Variants in NAT1 observed in about 807,000 individuals in gnomAD.
NAT1 encodes N-acetyltransferase 1, also known as arylamine N-acetyltransferase 1.
For missense variants in NAT1, 400 were observed against 339.2 expected (o/e 1.18, Z -1.41); for synonymous variants, 144 against 122.6 (o/e 1.17, Z -1.16).
chr8:18,213,067 G>A (rs1385325702), intron 1 of NAT1, among the ~76,000 whole-genome samples: 3 of 52,322 alleles, frequency 5.7e-5, no homozygotes, highest in South Asian at 4.8e-4. Context: ...ACCACACCTC[G>A]CTTTTTTTTT....
chr8:18,182,929 T>C (rs1402422821), intron 2 of NAT1, among the ~76,000 whole-genome samples: 1 of 152,218 alleles, frequency 6.6e-6, no homozygotes, highest in Non-Finnish European at 1.5e-5. Flanking sequence ...ATAAAGATCT[T>C]ATGCACCTAT....
At chr8:18,181,570 C>G (rs985297727) in intron 2 of NAT1, among the ~76,000 whole-genome samples, 7 of 152,060 alleles carry the variant, frequency 4.6e-5, no homozygotes, top group Non-Finnish European at 1.0e-4. Context: ...TTTCTCTTGT[C>G]TGATTACTCT....
At chr8:18,182,435 C>A (rs1179849496) in intron 2 of NAT1, among the ~76,000 whole-genome samples, 1 of 152,108 alleles carries the variant, frequency 6.6e-6, no homozygotes, top group Non-Finnish European at 1.5e-5. Context: ...TTATTGGAAG[C>A]TTTATTGTTT....
At chr8:18,176,000 T>G (rs186148037) in intron 2 of NAT1, among the ~76,000 whole-genome samples, 1 of 152,172 alleles carries the variant, frequency 6.6e-6, no homozygotes, top group East Asian at 1.9e-4. Context: ...GCCATTCCTT[T>G]CTGTTATTTT....
chr8:18,207,731 G>A (rs28741080), upstream of NAT1, among the ~76,000 whole-genome samples: 70 of 152,298 alleles, frequency 4.6e-4, no homozygotes, highest in South Asian at 1.9e-3. Context: ...CCTAGAATCA[G>A]AAATACCATT....
At chr8:18,191,349 T>A (rs1802982102) in intron 2 of NAT1, among the ~76,000 whole-genome samples, 1 of 152,314 alleles carries the variant, frequency 6.6e-6, no homozygotes, top group Non-Finnish European at 1.5e-5. Flanking sequence ...ACCTCTGAAG[T>A]TTTTTATAAA....
At chr8:18,220,471 T>G (rs983811824) in intron 2 of NAT1, among the ~76,000 whole-genome samples, 1 of 152,178 alleles carries the variant, frequency 6.6e-6, no homozygotes, top group Non-Finnish European at 1.5e-5. Context: ...TGTACAGCAC[T>G]GTTACAATCA....
chr8:18,218,524 G>A (rs1037393997), intron 1 of NAT1, among the ~76,000 whole-genome samples: 18 of 152,182 alleles, frequency 1.2e-4, no homozygotes, highest in African/African-American at 4.3e-4. Context: ...ATTACTCTGA[G>A]GAATGGGCTT....
At chr8:18,178,759 G>A (rs1802389254) in intron 2 of NAT1, among the ~76,000 whole-genome samples, 1 of 152,154 alleles carries the variant, frequency 6.6e-6, no homozygotes, top group South Asian at 2.1e-4. Flanking sequence ...TTCCCTAACA[G>A]ATGAGTGAGT....
upstream of NAT1, among the ~76,000 whole-genome samples, chr8:18,205,536 C>T (rs1438774111): frequency 6.6e-6 from 1 of 152,160 alleles, no homozygotes; most frequent in African/African-American, 2.4e-5. Context: ...CCTGCCAAGT[C>T]TCCATCTGCA....
intron 1 of NAT1, among the ~76,000 whole-genome samples, chr8:18,214,002 A>G (rs1414245063): frequency 6.6e-6 from 1 of 151,916 alleles, no homozygotes; most frequent in East Asian, 1.9e-4. Context: ...TTTAGTAGAG[A>G]CAGGGTTTCA....
chr8:18,196,472 T>C (rs1254301944), intron 2 of NAT1, among the ~76,000 whole-genome samples: 1 of 152,148 alleles, frequency 6.6e-6, no homozygotes, highest in African/African-American at 2.4e-5. Context: ...TGAAAGTAGA[T>C]GATGACAGAC....
At chr8:18,203,169 C>T (rs989577951) in intron 2 of NAT1, among the ~76,000 whole-genome samples, 3 of 152,100 alleles carry the variant, frequency 2.0e-5, no homozygotes, top group Admixed American at 6.5e-5. Context: ...TATGTTTATA[C>T]GCTTGTATGT....
At chr8:18,185,210 A>G (rs1311251630) in intron 2 of NAT1, among the ~76,000 whole-genome samples, 2 of 152,052 alleles carry the variant, frequency 1.3e-5, no homozygotes, top group African/African-American at 4.8e-5. Context: ...TATTTTTTCT[A>G]TTCTCTTGAA....
intron 2 of NAT1, among the ~76,000 whole-genome samples, chr8:18,180,956 C>A (rs1802485730): frequency 6.6e-6 from 1 of 151,962 alleles, no homozygotes; most frequent in Admixed American, 6.6e-5. Context: ...TAGTTATATT[C>A]TTTTTGGTCT....
chr8:18,185,073 GGTTTCAGGAGTGCTTGTTTCA>G (rs1802679257), intron 2 of NAT1, among the ~76,000 whole-genome samples: 1 of 71,048 alleles, frequency 1.4e-5, no homozygotes, highest in African/African-American at 1.2e-4. Context: ...TGCTTGTTTC[GGTTTCAGGAGTGCTTGTTTCA>G]GTTTCAGGAG....
chr8:18,194,712 T>C (rs201075353), intron 2 of NAT1, among the ~76,000 whole-genome samples: 1 of 151,670 alleles, frequency 6.6e-6, no homozygotes. Flanking sequence ...CCCAGCTACT[T>C]GGGAGGCTGA....
At chr8:18,213,763 T>G (rs1804342177) in intron 1 of NAT1, among the ~76,000 whole-genome samples, 1 of 152,104 alleles carries the variant, frequency 6.6e-6, no homozygotes, top group Non-Finnish European at 1.5e-5. Flanking sequence ...TGGATTGGAC[T>G]CTCCTAGACT....
intron 2 of NAT1, among the ~76,000 whole-genome samples, chr8:18,202,848 A>G (rs1803529359): frequency 6.6e-6 from 1 of 152,122 alleles, no homozygotes. Flanking sequence ...GCAGGTTGCC[A>G]CTGCTGGCTT....
Sources: gnomAD v4.1 joint callset for allele counts (sites outside exome capture counted in the v4.1 genomes callset) on GRCh38, gnomAD v4.1.1 for gene constraint, MANE v1.5 for transcripts, NCBI Gene and HGNC (gene_info 2026-07-23, HGNC 2026-07-21) for gene names.